NR3C1: variants seen among roughly 807,000 people sequenced by gnomAD.
NR3C1 encodes glucocorticoid receptor.
In NR3C1, 14 loss-of-function variants were observed where a neutral mutation model predicts 74.0. The observed-to-expected ratio is 0.19, with a 90% CI of 0.12 to 0.30. NR3C1 has a LOEUF of 0.30. Among genes scored for constraint, NR3C1 ranks in the 10% least tolerant of loss-of-function variants. NR3C1 has a pLI of 1.00. For synonymous variants in NR3C1, 308 were observed against 332.5 expected (o/e 0.93, Z 0.80); for missense variants, 695 against 909.8 (o/e 0.76, Z 3.04).
At chr5:143,384,460 G>A (rs1561736268) in intron 2 of NR3C1, among the ~76,000 whole-genome samples, 1 of 152,164 alleles carries the variant, frequency 6.6e-6, no homozygotes, top group South Asian at 2.1e-4. Flanking sequence ...AGTCCACTCT[G>A]CTTATGAGAC....
chr5:143,317,947 T>C (rs1016351980), intron 2 of NR3C1, among the ~76,000 whole-genome samples: 2 of 152,140 alleles, frequency 1.3e-5, no homozygotes, highest in Non-Finnish European at 2.9e-5. Flanking sequence ...GAATCAGCTT[T>C]ACATACAGAC....
chr5:143,331,475 A>G (rs150886456), intron 2 of NR3C1, among the ~76,000 whole-genome samples: 9 of 152,306 alleles, frequency 5.9e-5, no homozygotes, highest in African/African-American at 2.2e-4. Flanking sequence ...ATAAAGACGC[A>G]TGCATGTGTA....
chr5:143,411,537 G>C (rs898366236), intron 1 of NR3C1, among the ~76,000 whole-genome samples: 3 of 152,134 alleles, frequency 2.0e-5, no homozygotes, highest in African/African-American at 7.2e-5. Flanking sequence ...ATATTAATCA[G>C]ATATTTATTT....
intron 1 of NR3C1, chr5:143,402,570 A>T (rs1302734887): frequency 1.0e-6 from 1 of 983,836 alleles, no homozygotes; most frequent in Non-Finnish European, 1.2e-6. Context: ...AAGAGAAAAA[A>T]GTGCGAGGTT....
At chr5:143,408,850 A>G (rs1736479771) in intron 1 of NR3C1, 1 of 152,114 alleles carries the variant, frequency 6.6e-6, no homozygotes, top group South Asian at 2.1e-4. Context: ...CTAAATTTTT[A>G]TGATTCCTCA....
intron 2 of NR3C1, among the ~76,000 whole-genome samples, chr5:143,353,941 T>C (rs932867423): frequency 2.0e-5 from 3 of 152,248 alleles, no homozygotes; most frequent in African/African-American, 7.2e-5. Flanking sequence ...CAAAAGGCTT[T>C]TTCATCTACA....
At chr5:143,399,025 C>T (rs1424724132) in intron 2 of NR3C1, among the ~76,000 whole-genome samples, 2 of 152,156 alleles carry the variant, frequency 1.3e-5, no homozygotes, top group Non-Finnish European at 2.9e-5. Flanking sequence ...GCAGACATAA[C>T]TTGTCTACTT....
At chr5:143,341,107 G>A (rs1023624849) in intron 2 of NR3C1, among the ~76,000 whole-genome samples, 7 of 152,080 alleles carry the variant, frequency 4.6e-5, no homozygotes, top group African/African-American at 7.2e-5. Flanking sequence ...TTGTAGTTTC[G>A]AAATGATCCA....
chr5:143,336,913 G>A (rs987997713), intron 2 of NR3C1, among the ~76,000 whole-genome samples: 2 of 151,686 alleles, frequency 1.3e-5, no homozygotes, highest in Admixed American at 1.3e-4. Context: ...AGGAGGTGGA[G>A]GCTGCAGTGA....
At position 143,281,952 on chromosome 5, in the gene NR3C1, G is replaced by A. The variant is rs778163998; in HGVS notation, c.2271C>T (p.Ile757=). 1 of 1,613,372 alleles carries A rather than the reference G, an allele frequency of 6.2e-7. No homozygotes were observed. The highest frequency in any genetic ancestry group is 1.7e-5 in the Admixed American group (1 of 59,960). ...IEFPEMLAEI[I]TNQIPKYSNG... ...TTGAATATTTTGGTATCTGATTGGT[G>A]ATGATTTCAGCTAACATCTCGGGGA... is the stretch of plus-strand genomic sequence containing the variant. The change falls in exon 9 of 9, where the codon ATC becomes ATT. Residue 757 remains isoleucine, a synonymous_variant. Transcript: ENST00000394464.
chr5:143,307,930 C>G (rs536779604), intron 4 of NR3C1, among the ~76,000 whole-genome samples: 1 of 152,148 alleles, frequency 6.6e-6, no homozygotes, highest in South Asian at 2.1e-4. Flanking sequence ...TTAATCTCTA[C>G]AGTTTTTATA....
intron 2 of NR3C1, among the ~76,000 whole-genome samples, chr5:143,358,348 A>G (rs1831555752): frequency 6.6e-6 from 1 of 152,196 alleles, no homozygotes; most frequent in Non-Finnish European, 1.5e-5. Context: ...TAACGTATTT[A>G]ATTCTGAAGA....
chr5:143,363,627 A>T (rs1832679139), intron 2 of NR3C1, among the ~76,000 whole-genome samples: 1 of 152,186 alleles, frequency 6.6e-6, no homozygotes, highest in African/African-American at 2.4e-5. Flanking sequence ...ATATTCAGTG[A>T]CATAAACTAT....
chr5:143,343,638 C>T (rs1828661557), intron 2 of NR3C1, among the ~76,000 whole-genome samples: 1 of 152,164 alleles, frequency 6.6e-6, no homozygotes, highest in African/African-American at 2.4e-5. Flanking sequence ...TATCCCTAAC[C>T]ATCAGAATAT....
In NR3C1 at chr5:143,314,039, A is replaced by G. The variant is rs1821542350; in HGVS notation, c.1314T>C (p.Cys438=). 6.2e-7 allele frequency: 1 copy of G among 1,613,620 alleles called. No individual in the cohort carries two copies. The highest frequency in any genetic ancestry group is 1.7e-5 in the Admixed American group (1 of 59,984). The change falls in exon 3 of 9, where the codon TGT becomes TGC. Residue 438 remains cysteine (C), a synonymous_variant. Transcript: ENST00000394464. Reference sequence around the variant, plus strand: ...TTTTGAAGAAAACTTTACAGCTTCCACAAGTTAAGACTCCATAATGACATC... The same window carrying G: ...TTTTGAAGAAAACTTTACAGCTTCCGCAAGTTAAGACTCCATAATGACATC... ...ASGCHYGVLT[C]GSCKVFFKRA... is the part of the protein sequence containing the mutation.
Position 143,400,351 on chromosome 5 carries a change from T to C in NR3C1, c.489A>G (p.Val163=), listed in dbSNP as rs1292729411. 4 of 1,614,116 alleles carry C rather than the reference T, an allele frequency of 2.5e-6. No individual in the cohort carries two copies. The highest frequency in any genetic ancestry group is 3.3e-5 in the Admixed American group (2 of 60,022). ...EKEFPKTHSD[V]SSEQQHLKGQ... ...CCTTCAAATGTTGCTGTTCTGAAGA[T>C]ACATCAGAGTGAGTTTTTGGAAACT... The change falls in exon 2 of 9, where the codon GTA becomes GTG. Residue 163 remains valine (V), a synonymous_variant. Coordinates refer to ENST00000394464, the MANE Select transcript of NR3C1 (RefSeq NM_000176.3).
chr5:143,409,334 A>G (rs936637686), intron 1 of NR3C1: 2 of 152,182 alleles, frequency 1.3e-5, no homozygotes, highest in African/African-American at 2.4e-5. Context: ...CTTCTTTGTG[A>G]CTTATTTTCC....
At position 143,281,079 on chromosome 5, in the gene NR3C1, A is replaced by G. The variant is rs1465227549; in HGVS notation, c.*810T>C. The G allele has an allele frequency of 2.0e-5, 3 of 151,042 alleles. No individual in the cohort carries two copies. Among genetic ancestry groups the G allele is most frequent in the East Asian group, 2.0e-4 (1 of 5,124 alleles). The allele number at this position is 151,042 out of a possible 1,614,324, so 9.4% of individuals were successfully genotyped here. On this transcript the variant is annotated 3_prime_UTR_variant, in exon 9 of 9. Transcript: ENST00000394464. Reference sequence around the variant, plus strand: ...TTAGGACTGTTAATTTGCACAACCTATATAATTCTCCACTGAAGCAGATAT... The same window carrying G: ...TTAGGACTGTTAATTTGCACAACCTGTATAATTCTCCACTGAAGCAGATAT...
chr5:143,300,785 C>A lies in NR3C1; in HGVS notation c.1469-22G>T, dbSNP rs760475415. ...CGAGCTGTGGGTATTTAAACAAATA[C>A]ATAGAAATGAACTGTAATGGGAAGG... On this transcript the variant is annotated intron_variant, in intron 4 of 8. Coordinates refer to ENST00000394464, the MANE Select transcript of NR3C1 (RefSeq NM_000176.3). The surrounding 1 kb of genome is among the most constrained non-coding windows in gnomAD (Gnocchi z 5.2). The A allele has an allele frequency of 4.4e-6, 7 of 1,608,650 alleles. No individual in the cohort carries two copies. The South Asian group carries it at 7.7e-5, about 18-fold the overall frequency.
Sources: allele counts gnomAD v4.1 joint callset (sites outside exome capture counted in the v4.1 genomes callset), GRCh38; gene constraint gnomAD v4.1.1; non-coding constraint Gnocchi (gnomAD v3.1); transcripts MANE v1.5; gene names NCBI Gene and HGNC (gene_info 2026-07-23, HGNC 2026-07-21).